TM7SF3: variants seen among roughly 807,000 people sequenced by gnomAD.
TM7SF3 encodes seven span transmembrane protein.
In TM7SF3, 60 loss-of-function variants were observed where a neutral mutation model predicts 65.5. The ratio of observed to expected loss-of-function variants is 0.92; its 90% CI spans 0.74 to 1.14. The LOEUF is 1.14. Ranked by LOEUF, TM7SF3 falls within the 50% of genes most tolerant of loss-of-function variation. The pLI, the probability that TM7SF3 is intolerant of heterozygous loss-of-function variation, is 0.00. For missense variants in TM7SF3, 623 were observed against 684.8 expected (o/e 0.91, Z 1.01); for synonymous variants, 264 against 259.6 (o/e 1.02, Z -0.16).
At chr12:26,999,855 TG>T in intron 2 of TM7SF3, 179 bp from the exon 3 acceptor site, 1 of 565,498 alleles carries the variant, frequency 1.8e-6, no homozygotes, top group African/African-American at 1.9e-5. Flanking sequence ...CACATATACA[TG>T]GAAAAAGCAT....
At chr12:27,006,662 T>A (rs915710309) in intron 1 of TM7SF3, among the ~76,000 whole-genome samples, 16 of 152,248 alleles carry the variant, frequency 1.1e-4, no homozygotes, top group Non-Finnish European at 1.8e-4. Flanking sequence ...TTGGGATATA[T>A]CTTTTAGGGC....
rs921653815 is a variant in TM7SF3, at chr12:26,973,844, T to C, written c.*121A>G. On this transcript the variant is annotated 3_prime_UTR_variant, in exon 12 of 12. Coordinates refer to ENST00000343028, the MANE Select transcript of TM7SF3 (RefSeq NM_016551.3). Reference sequence around the variant, plus strand: ...TTACCATATATCAATAAGGGCACCATAATATTATGCAAAGAACAGATATAT... The same window carrying C: ...TTACCATATATCAATAAGGGCACCACAATATTATGCAAAGAACAGATATAT... 1 of 1,269,926 alleles carries C rather than the reference T, an allele frequency of 7.9e-7. No individual in the cohort carries two copies. Among genetic ancestry groups the C allele is most frequent in the African/African-American group, 1.5e-5 (1 of 67,082 alleles). 78.7% of individuals were successfully genotyped at this position (1,269,926 alleles called of 1,614,324 possible).
In TM7SF3 at chr12:26,986,263, G is replaced by A. The variant is rs926106099; in HGVS notation, c.869-3404C>T. Among the ~76,000 whole-genome samples, 5 of 152,062 alleles carry A rather than the reference G, an allele frequency of 3.3e-5. 1 individual carries two copies. Among genetic ancestry groups the A allele is most frequent in the Non-Finnish European group, 7.4e-5 (5 of 68,026 alleles). The stretch of plus-strand genomic sequence containing the variant: ...CTATGCTTGATATCAAATCACCCTC[G>A]ATATCTAATCGAGTTCTTCATCCTC... On this transcript the variant is annotated intron_variant, in intron 6 of 11. Transcript: ENST00000343028.
intron 1 of TM7SF3, among the ~76,000 whole-genome samples, chr12:27,005,930 C>T (rs1156703194): frequency 6.7e-6 from 1 of 150,170 alleles, no homozygotes; most frequent in Admixed American, 6.7e-5. Flanking sequence ...CTCCTGAGTA[C>T]CTGGGATTAC....
chr12:26,996,731 G>A lies in TM7SF3; in HGVS notation c.518+11C>T, dbSNP rs746359619. ...CTAAAAGCATTTCTCAGACATGGGAGACAGACGTACCTCGCATAGCCTAGG... is the reference window on the plus strand; with the variant it reads ...CTAAAAGCATTTCTCAGACATGGGAAACAGACGTACCTCGCATAGCCTAGG... On this transcript the variant is annotated intron_variant, in intron 4 of 11. Coordinates refer to ENST00000343028, the MANE Select transcript of TM7SF3 (RefSeq NM_016551.3). 6.2e-7 allele frequency: 1 copy of A among 1,604,762 alleles called. No individual in the cohort carries two copies. Among genetic ancestry groups the A allele is most frequent in the South Asian group, 1.1e-5 (1 of 89,242 alleles).
intron 6 of TM7SF3, among the ~76,000 whole-genome samples, chr12:26,985,394 G>A (rs985461239): frequency 1.3e-5 from 2 of 151,776 alleles, no homozygotes; most frequent in Non-Finnish European, 2.9e-5. Context: ...GGGAGGCCGA[G>A]GCGGGCATAT....
In TM7SF3 at chr12:26,971,944, A is replaced by G. The variant is rs1939379231; in HGVS notation, c.*2021T>C. 2 of 152,194 alleles carry G rather than the reference A, an allele frequency of 1.3e-5. No homozygotes were observed. Among genetic ancestry groups the G allele is most frequent in the Admixed American group, 1.3e-4 (2 of 15,278 alleles). The allele number at this position is 152,194 out of a possible 1,614,324, so 9.4% of individuals were successfully genotyped here. The stretch of plus-strand genomic sequence containing the variant: ...CAAACACTTAAAGCAAAAGTTAAAT[A>G]TTTTTCCAGTTACCTGAAACTTCAA... On this transcript the variant is annotated 3_prime_UTR_variant, in exon 12 of 12. Transcript: ENST00000343028.
intron 1 of TM7SF3, among the ~76,000 whole-genome samples, chr12:27,010,990 A>C (rs529441095): frequency 1.3e-5 from 2 of 152,252 alleles, no homozygotes; most frequent in South Asian, 2.1e-4. Context: ...TCAACACAAC[A>C]ACCAAATTCT....
chr12:26,980,461 T>C, intron 8 of TM7SF3, 105 bp downstream of exon 8: 1 of 693,000 alleles, frequency 1.4e-6, no homozygotes. Context: ...ACATAAGTAA[T>C]AGGCTGTCAC....
chr12:27,000,255 C>G (rs11048805), intron 2 of TM7SF3, among the ~76,000 whole-genome samples: 11,088 of 152,200 alleles, frequency 0.073, 517 homozygotes, highest in Non-Finnish European at 0.1. Context: ...TAAAAATAAT[C>G]TTTGATCAGG....
chr12:26,983,901 T>C (rs566172396), intron 6 of TM7SF3, among the ~76,000 whole-genome samples: 1 of 152,080 alleles, frequency 6.6e-6, no homozygotes, highest in African/African-American at 2.4e-5. Context: ...CATCATGAGA[T>C]AAACCCAAGA....
intron 1 of TM7SF3, among the ~76,000 whole-genome samples, chr12:27,006,679 A>G (rs1228313567): frequency 6.6e-6 from 1 of 152,266 alleles, no homozygotes; most frequent in Non-Finnish European, 1.5e-5. Context: ...GGGCTTAGGC[A>G]GATATAAGCA....
chr12:26,991,150 T>TAG (rs1452742123), intron 5 of TM7SF3, among the ~76,000 whole-genome samples: 3 of 141,236 alleles, frequency 2.1e-5, no homozygotes, highest in African/African-American at 8.6e-5. Flanking sequence ...TCTTTTTTTT[T>TAG]TTTTTTTTTT....
At chr12:27,013,011 A>AAAAG (rs1446155237) in intron 1 of TM7SF3, 1 of 235,942 alleles carries the variant, frequency 4.2e-6, no homozygotes, top group East Asian at 1.4e-4. Flanking sequence ...AAAAAAAAAA[A>AAAAG]AAAGTCACCT....
chr12:27,006,063 G>C (rs1480280650), intron 1 of TM7SF3, among the ~76,000 whole-genome samples: 1 of 151,202 alleles, frequency 6.6e-6, no homozygotes, highest in African/African-American at 2.4e-5. Context: ...GCCTCCCAAA[G>C]TGCTGGGATT....
At chr12:27,000,237 T>C (rs1940774345) in intron 2 of TM7SF3, among the ~76,000 whole-genome samples, 1 of 152,184 alleles carries the variant, frequency 6.6e-6, no homozygotes, top group Admixed American at 6.5e-5. Flanking sequence ...ACACAAACAT[T>C]CTGTCTGTAA....
intron 6 of TM7SF3, among the ~76,000 whole-genome samples, chr12:26,985,566 A>C (rs1371153492): frequency 7.2e-6 from 1 of 138,086 alleles, no homozygotes; most frequent in Admixed American, 7.9e-5. Flanking sequence ...CAGTGGTTGC[A>C]GTGAGCTGAG....
At position 26,974,042 on chromosome 12, in the gene TM7SF3, A is replaced by G; in HGVS notation, c.1636T>C (p.Tyr546His). ...YHIPPLRERL[Y>H]GRLTQIKGLF... is the part of the protein sequence containing the mutation. Reference sequence around the variant, plus strand: ...CCTTTAATCTGGGTTAATCGGCCATAGAGCCTCTCTCTCAATGGAGGAATG... The same window carrying G: ...CCTTTAATCTGGGTTAATCGGCCATGGAGCCTCTCTCTCAATGGAGGAATG... The change falls in exon 12 of 12, where the codon TAT (tyrosine) becomes CAT (histidine). Residue 546 changes from tyrosine to histidine, a missense_variant. By Grantham distance (83) the Tyr-to-His change is moderately conservative (BLOSUM62 2). Coordinates refer to ENST00000343028, the MANE Select transcript of TM7SF3 (RefSeq NM_016551.3). The G allele has an allele frequency of 1.9e-6, 3 of 1,614,170 alleles. No individual in the cohort carries two copies. The highest frequency in any genetic ancestry group is 2.5e-6 in the Non-Finnish European group (3 of 1,180,010).
rs1223866710 is a variant in TM7SF3, at chr12:26,974,149, G to A, written c.1529C>T (p.Pro510Leu). 3.7e-6 allele frequency: 6 copies of A among 1,614,044 alleles called. No individual in the cohort carries two copies. Among genetic ancestry groups the A allele is most frequent in the Admixed American group, 1.7e-5 (1 of 59,992 alleles). The change falls in exon 12 of 12, where the codon CCG becomes CTG. Residue 510 changes from proline to leucine, a missense_variant. By Grantham distance (98) the Pro-to-Leu change is moderately conservative. Coordinates refer to ENST00000343028, the MANE Select transcript of TM7SF3 (RefSeq NM_016551.3). ...TLQIRRERGR[P>L]FFPPHPYKLW... ...CTTGTATGGGTGGGGAGGGAAGAAC[G>A]GTCGTCCTCTCTCTCTTCGAATCTG... is the stretch of plus-strand genomic sequence containing the variant.
Sources: gnomAD v4.1 joint callset for allele counts (sites outside exome capture counted in the v4.1 genomes callset) on GRCh38, gnomAD v4.1.1 for gene constraint, MANE v1.5 for transcripts, NCBI Gene and HGNC (gene_info 2026-07-23, HGNC 2026-07-21) for gene names.